ADAMTS8: variants seen among roughly 807,000 people sequenced by gnomAD.
The protein encoded by ADAMTS8 is A disintegrin and metalloproteinase with thrombospondin motifs 8.
Under a neutral mutation model 64.4 loss-of-function variants are expected in ADAMTS8, and 50 were observed. The observed-to-expected ratio is 0.78, with a 90% CI of 0.62 to 0.98. The LOEUF (loss-of-function observed/expected upper bound fraction) is 0.98, where lower values mean the gene tolerates loss of function less well. Ranked by LOEUF, ADAMTS8 falls within the 50% of genes least tolerant of loss-of-function variation. The pLI is 0.00. For synonymous variants in ADAMTS8, 556 were observed against 533.6 expected (o/e 1.04, Z -0.58); for missense variants, 1,192 against 1,208.2 (o/e 0.99, Z 0.20).
intron 1 of ADAMTS8, 127 bp from the exon 2 acceptor site, chr11:130,419,419 T>G: frequency 7.6e-7 from 1 of 1,323,804 alleles, no homozygotes; most frequent in Non-Finnish European, 1.0e-6. Context: ...AGCCTCACAA[T>G]ACCCCCGAGG....
chr11:130,414,968 TTGA>T, intron 4 of ADAMTS8, 136 bp from the exon 5 acceptor site: 1 of 951,770 alleles, frequency 1.1e-6, no homozygotes, highest in African/African-American at 1.7e-5. Flanking sequence ...CTGTCACCAC[TTGA>T]TGATCTAGTG....
rs1277145054 is a variant in ADAMTS8, at chr11:130,414,661, G to A, written c.1436C>T (p.Thr479Ile). 1.2e-6 allele frequency: 2 copies of A among 1,613,734 alleles called. No homozygotes were observed. Among genetic ancestry groups the A allele is most frequent in the African/African-American group, 1.3e-5 (1 of 74,952 alleles). ...GTGGCACAGGGGCTCAGCCCCATCA[G>A]TGTGGCACCAAAGCTGGGCGCAGAC... Reference protein sequence around the residue: ...QDVCAQLWCHTDGAEPLCHTK... With the variant: ...QDVCAQLWCHIDGAEPLCHTK... Residue 479 changes from threonine to isoleucine, a missense_variant, in exon 5 of 9, where the codon ACT (threonine) becomes ATT (isoleucine). Thr to Ile is a moderately conservative substitution (Grantham distance 89). Around this residue, in one of 5 missense-constraint regions of ADAMTS8, gnomAD observed 741 missense variants for 710.6 expected, o/e 1.04. Coordinates refer to ENST00000257359, the MANE Select transcript of ADAMTS8 (RefSeq NM_007037.6).
intron 8 of ADAMTS8, among the ~76,000 whole-genome samples, chr11:130,407,675 C>T (rs1218020230): frequency 1.3e-5 from 2 of 152,116 alleles, no homozygotes; most frequent in Admixed American, 1.3e-4. Flanking sequence ...ATATAAAACA[C>T]CCGAACTTGC....
Position 130,414,434 on chromosome 11 carries a change from C to T in ADAMTS8, c.1566+97G>A. 4 of 1,416,336 alleles carry T rather than the reference C, an allele frequency of 2.8e-6. No individual in the cohort carries two copies. The South Asian group carries it at 5.8e-5, about 21-fold the overall frequency. 87.7% of individuals were successfully genotyped at this position (1,416,336 alleles called of 1,614,324 possible). On this transcript the variant is annotated intron_variant, in intron 5 of 8. Coordinates refer to ENST00000257359, the MANE Select transcript of ADAMTS8 (RefSeq NM_007037.6). Reference sequence around the variant, plus strand: ...TGGCTGTCTCTCGGTTCATGACTCTCAAGTGTGGTTTCCTTCTGGAGAACA... The same window carrying T: ...TGGCTGTCTCTCGGTTCATGACTCTTAAGTGTGGTTTCCTTCTGGAGAACA...
At position 130,427,782 on chromosome 11, in the gene ADAMTS8, C is replaced by T. The variant is rs1483672590; in HGVS notation, c.505G>A (p.Val169Met). Residue 169 changes from valine (V) to methionine (M), a missense_variant, in exon 1 of 9, where the codon GTG (valine) becomes ATG (methionine). This residue lies in a region of ADAMTS8 where 741 missense variants were observed against 710.6 expected (regional missense o/e 1.04). Transcript: ENST00000257359. The part of the protein sequence containing the change: ...RPLPRGPEWE[V>M]ETGEGQRQER... Reference sequence around the variant, plus strand: ...TGCCTCTGACCCTCTCCCGTCTCCACCTCCCACTCGGGTCCTCGCGGGAGG... The same window carrying T: ...TGCCTCTGACCCTCTCCCGTCTCCATCTCCCACTCGGGTCCTCGCGGGAGG... 1 of 1,589,644 alleles carries T rather than the reference C, an allele frequency of 6.3e-7. No individual in the cohort carries two copies. Among genetic ancestry groups the T allele is most frequent in the Admixed American group, 1.7e-5 (1 of 57,742 alleles).
In ADAMTS8 at chr11:130,416,965, C is replaced by T. The variant is rs373598346; in HGVS notation, c.1071G>A (p.Ala357=). ...CSVIEDEGLQ[A]AHTLAHELGH... ...CTAGTTCATGGGCCAGGGTGTGGGCCGCCTGGAGCCCCTCATCCTCGATCA... is the reference window on the plus strand; with the variant it reads ...CTAGTTCATGGGCCAGGGTGTGGGCTGCCTGGAGCCCCTCATCCTCGATCA... The change falls in exon 3 of 9, where the codon GCG becomes GCA. Residue 357 remains alanine (A), a synonymous_variant. Coordinates refer to ENST00000257359, the MANE Select transcript of ADAMTS8 (RefSeq NM_007037.6). The surrounding 1 kb of genome is among the most constrained non-coding windows in gnomAD (Gnocchi z 4.8). 5.8e-5 allele frequency: 94 copies of T among 1,614,108 alleles called. No homozygotes were observed. The highest frequency in any genetic ancestry group is 3.1e-4 in the East Asian group (14 of 44,872).
Position 130,428,295 on chromosome 11 carries a change from C to A in ADAMTS8, c.-9G>T. Reference sequence around the variant, plus strand: ...GCGGGGGCGGGGAGCATGGGGGCTGCGGCGGTGGCTGCGCGCAGGAGAGGG... The same window carrying A: ...GCGGGGGCGGGGAGCATGGGGGCTGAGGCGGTGGCTGCGCGCAGGAGAGGG... On this transcript the variant is annotated 5_prime_UTR_variant, in exon 1 of 9. Transcript: ENST00000257359. 1.6e-6 allele frequency: 2 copies of A among 1,239,842 alleles called. No individual in the cohort carries two copies. The highest frequency in any genetic ancestry group is 4.6e-5 in the South Asian group (2 of 43,874). 76.8% of individuals were successfully genotyped at this position (1,239,842 alleles called of 1,614,324 possible).
At chr11:130,419,000 T>C (rs1368518481) in intron 2 of ADAMTS8, 53 bp downstream of exon 2, 7 of 1,608,140 alleles carry the variant, frequency 4.4e-6, no homozygotes, top group Non-Finnish European at 5.1e-6. Context: ...CTCCCTTTGA[T>C]CTGCCCATCC....
intron 1 of ADAMTS8, among the ~76,000 whole-genome samples, chr11:130,423,818 G>A (rs914521392): frequency 2.6e-5 from 4 of 152,220 alleles, no homozygotes; most frequent in African/African-American, 9.6e-5. Context: ...AGGGGACACT[G>A]AGCAGCAGCT....
intron 1 of ADAMTS8, among the ~76,000 whole-genome samples, chr11:130,425,541 C>G (rs1299031547): frequency 6.6e-6 from 1 of 151,898 alleles, no homozygotes; most frequent in Non-Finnish European, 1.5e-5. Flanking sequence ...GGTGTAGCAC[C>G]CCGCTCTGGG....
chr11:130,414,687 G>GGA lies in ADAMTS8; in HGVS notation c.1409_1410insTC (p.Val471ProfsTer173), dbSNP rs1565376288. On this transcript the variant is annotated frameshift_variant, in exon 5 of 9. Coordinates refer to ENST00000257359, the MANE Select transcript of ADAMTS8 (RefSeq NM_007037.6). LOFTEE classifies it high-confidence loss of function. Reference sequence around the variant, plus strand: ...TGTGGCACCAAAGCTGGGCGCAGACGTCCTGAGCAGAGGTGTTGGGGCAGT... The same window carrying GGA: ...TGTGGCACCAAAGCTGGGCGCAGACGGATCCTGAGCAGAGGTGTTGGGGCAGT... 3 of 1,613,884 alleles carry GGA rather than the reference G, an allele frequency of 1.9e-6. No individual in the cohort carries two copies. Among genetic ancestry groups the GGA allele is most frequent in the Non-Finnish European group, 2.5e-6 (3 of 1,180,048 alleles).
chr11:130,409,427 C>T (rs376361760), intron 6 of ADAMTS8, among the ~76,000 whole-genome samples: 15 of 152,206 alleles, frequency 9.9e-5, no homozygotes, highest in East Asian at 7.7e-4. Flanking sequence ...TGGGGAGCTC[C>T]GTTTGTATGT....
At position 130,416,911 on chromosome 11, in the gene ADAMTS8, G is replaced by C; in HGVS notation, c.1096+29C>G. 14 of 1,613,984 alleles carry C rather than the reference G, an allele frequency of 8.7e-6. No individual in the cohort carries two copies. The highest frequency in any genetic ancestry group is 1.2e-5 in the Non-Finnish European group (14 of 1,179,942). On this transcript the variant is annotated intron_variant, in intron 3 of 8. Transcript: ENST00000257359. The surrounding 1 kb of genome is among the most constrained non-coding windows in gnomAD (Gnocchi z 4.8). ...GAAGAGCAGTTCCCTCCGATGTGGT[G>C]AAGTGGGCTTTGGCACAGCAAATCT...
In ADAMTS8 at chr11:130,414,679, G is replaced by T; in HGVS notation, c.1418C>A (p.Ala473Asp). 1 of 1,613,874 alleles carries T rather than the reference G, an allele frequency of 6.2e-7. No individual in the cohort carries two copies. The highest frequency in any genetic ancestry group is 8.5e-7 in the Non-Finnish European group (1 of 1,180,038). The change falls in exon 5 of 9, where the codon GCC becomes GAC. Residue 473 changes from alanine (A) to aspartate (D), a missense_variant. This residue lies in a region of ADAMTS8 where 741 missense variants were observed against 710.6 expected (regional missense o/e 1.04). Coordinates refer to ENST00000257359, the MANE Select transcript of ADAMTS8 (RefSeq NM_007037.6). ...CPNTSAQDVC[A>D]QLWCHTDGAE... ...CCCATCAGTGTGGCACCAAAGCTGGGCGCAGACGTCCTGAGCAGAGGTGTT... is the reference window on the plus strand; with the variant it reads ...CCCATCAGTGTGGCACCAAAGCTGGTCGCAGACGTCCTGAGCAGAGGTGTT...
rs116377510 is a variant in ADAMTS8, at chr11:130,405,140, T to A, written c.*418A>T. ...GCCTGCTTTGACATTCACCATTGACTCCCTGCCCCACGCCTCTCTTGTACT... is the reference window on the plus strand; with the variant it reads ...GCCTGCTTTGACATTCACCATTGACACCCTGCCCCACGCCTCTCTTGTACT... On this transcript the variant is annotated 3_prime_UTR_variant, in exon 9 of 9. Coordinates refer to ENST00000257359, the MANE Select transcript of ADAMTS8 (RefSeq NM_007037.6). 5.2e-4 allele frequency: 514 copies of A among 996,744 alleles called. No homozygotes were observed. In the African/African-American group the frequency reaches 8.3e-3, roughly 16 times the overall value. 61.7% of individuals were successfully genotyped at this position (996,744 alleles called of 1,614,324 possible). A position where few individuals can be genotyped will look rare whatever the true frequency, so the allele number is the denominator to read the frequency against.
chr11:130,427,486 TGGA>T, intron 1 of ADAMTS8, 78 bp downstream of exon 1: 1 of 844,740 alleles, frequency 1.2e-6, no homozygotes, highest in African/African-American at 2.0e-5. Flanking sequence ...TCAGAGGGAT[TGGA>T]AGGGGAGATT....
intron 1 of ADAMTS8, among the ~76,000 whole-genome samples, chr11:130,422,086 G>A (rs1418032769): frequency 1.3e-5 from 2 of 152,144 alleles, no homozygotes; most frequent in Non-Finnish European, 2.9e-5. Context: ...TTTTGTTAGG[G>A]AGAGGCGGCA....
intron 5 of ADAMTS8, among the ~76,000 whole-genome samples, chr11:130,413,976 A>G (rs1190271531): frequency 6.6e-6 from 1 of 152,190 alleles, no homozygotes; most frequent in Non-Finnish European, 1.5e-5. Context: ...TAATGTCTGG[A>G]GCCACGGCAG....
At chr11:130,421,175 T>C (rs946488601) in intron 1 of ADAMTS8, among the ~76,000 whole-genome samples, 2 of 151,844 alleles carry the variant, frequency 1.3e-5, no homozygotes, top group Non-Finnish European at 1.5e-5. Flanking sequence ...AGACAGGAGG[T>C]TGGGGCAAGT....
Sources: allele counts gnomAD v4.1 joint callset (sites outside exome capture counted in the v4.1 genomes callset), GRCh38; gene constraint gnomAD v4.1.1; regional missense constraint gnomAD v4.1.1; non-coding constraint Gnocchi (gnomAD v3.1); transcripts MANE v1.5; gene names NCBI Gene and HGNC (gene_info 2026-07-23, HGNC 2026-07-21).